The following TRIM40 variants were observed in gnomAD, a reference collection of about 807,000 sequenced individuals.
TRIM40 encodes the protein E3 ubiquitin ligase TRIM40.
TRIM40 carries 27 observed loss-of-function variants against 26.1 expected under a neutral mutation model. The observed-to-expected ratio is 1.04, with a 90% CI of 0.76 to 1.43. The LOEUF (loss-of-function observed/expected upper bound fraction) is 1.43, where lower values mean the gene tolerates loss of function less well. TRIM40 is among the 40% of genes most tolerant of loss of function. TRIM40 has a pLI of 0.00. For synonymous variants in TRIM40, 114 were observed against 120.0 expected (o/e 0.95, Z 0.33); for missense variants, 289 against 307.9 (o/e 0.94, Z 0.46).
At chr6:30,138,007 A>G (rs548629674) in intron 2 of TRIM40, among the ~76,000 whole-genome samples, 2 of 152,232 alleles carry the variant, frequency 1.3e-5, no homozygotes, top group South Asian at 2.1e-4. Context: ...CTCAGAGGTA[A>G]CCATTGTTTG....
At chr6:30,141,635 C>T (rs9261488) in intron 2 of TRIM40, among the ~76,000 whole-genome samples, 28,465 of 152,170 alleles carry the variant, frequency 0.19, 3,096 homozygotes, top group East Asian at 0.24. Context: ...AGGAGGCACA[C>T]TTCTTCCATA....
chr6:30,148,105 T>C lies in TRIM40; in HGVS notation c.*293T>C. On this transcript the variant is annotated 3_prime_UTR_variant, in exon 6 of 6. Transcript: ENST00000396581. ...TGAAATCTCCATTTTGCCTGTAAAC[T>C]GATGGTAGTGCCCATCTCTCACAAT... is the stretch of plus-strand genomic sequence containing the variant. 1.9e-6 allele frequency: 1 copy of C among 518,486 alleles called. No individual in the cohort carries two copies. Among genetic ancestry groups the C allele is most frequent in the Non-Finnish European group, 3.5e-6 (1 of 289,390 alleles). 32.1% of individuals were successfully genotyped at this position (518,486 alleles called of 1,614,324 possible). A position where few individuals can be genotyped will look rare whatever the true frequency, so the allele number is the denominator to read the frequency against.
At position 30,137,477 on chromosome 6, in the gene TRIM40, C is replaced by A; in HGVS notation, c.345+96C>A. On this transcript the variant is annotated intron_variant, in intron 2 of 5. Coordinates refer to ENST00000396581, the MANE Select transcript of TRIM40 (RefSeq NM_001286633.2). ...TGCCTGGCACCTCAGAGTAGCTCAA[C>A]AATGGACATCTCTCTTTGTTTCTTC... The A allele has an allele frequency of 8.9e-6, 9 of 1,008,246 alleles. No individual in the cohort carries two copies. In the South Asian group the frequency reaches 1.0e-4, roughly 12 times the overall value. 62.5% of individuals were successfully genotyped at this position (1,008,246 alleles called of 1,614,324 possible).
In TRIM40 at chr6:30,136,812, A is replaced by T. The variant is rs566695154; in HGVS notation, c.-225A>T. 32 of 561,100 alleles carry T rather than the reference A, an allele frequency of 5.7e-5. No individual in the cohort carries two copies. The highest frequency in any genetic ancestry group is 6.3e-5 in the Non-Finnish European group (20 of 316,354). 34.8% of individuals were successfully genotyped at this position (561,100 alleles called of 1,614,324 possible). On this transcript the variant is annotated 5_prime_UTR_variant, in exon 2 of 6. Transcript: ENST00000396581. ...GTCAAAGCTGATGAGCTATTTCTGA[A>T]ACTCGTGCAGAATTGTGGTTTGTGT...
At position 30,137,052 on chromosome 6, in the gene TRIM40, A is replaced by T. The variant is rs755221409; in HGVS notation, c.16A>T (p.Lys6Ter). 2.5e-6 allele frequency: 4 copies of T among 1,612,818 alleles called. No homozygotes were observed. The highest frequency in any genetic ancestry group is 2.5e-6 in the Non-Finnish European group (3 of 1,179,894). ...GAACGAGGCCATGATCCCTTTGCAG[A>T]AGGACAACCAGGAGGAGGGTGTCTG... MIPLQ[K>*]DNQEEGVCPI... is the part of the protein sequence containing the mutation. The change falls in exon 2 of 6, where the codon AAG becomes TAG. Residue 6 changes from lysine to a stop codon, truncating the protein, a stop_gained. Coordinates refer to ENST00000396581, the MANE Select transcript of TRIM40 (RefSeq NM_001286633.2). LOFTEE classifies it high-confidence loss of function.
intron 2 of TRIM40, among the ~76,000 whole-genome samples, chr6:30,141,563 T>C (rs897586344): frequency 7.9e-5 from 12 of 152,250 alleles, no homozygotes; most frequent in East Asian, 3.9e-4. Flanking sequence ...TTATAATAGA[T>C]TGCATTGAAC....
chr6:30,140,707 T>C (rs1449804051), intron 2 of TRIM40, among the ~76,000 whole-genome samples: 1 of 152,148 alleles, frequency 6.6e-6, no homozygotes, highest in Non-Finnish European at 1.5e-5. Flanking sequence ...GCCCCAGAAC[T>C]TAAAGTATAT....
chr6:30,148,251 C>T lies in TRIM40; in HGVS notation c.*439C>T, dbSNP rs575273137. On this transcript the variant is annotated 3_prime_UTR_variant, in exon 6 of 6. Transcript: ENST00000396581. ...CTTGTTGTCTGTACCACTCACCTGG[C>T]ACTTATTTATTATTGTTGTGGAAGA... 272 of 186,096 alleles carry T rather than the reference C, an allele frequency of 1.5e-3. 1 individual carries two copies. The highest frequency in any genetic ancestry group is 4.7e-3 in the Middle Eastern group (2 of 424). The allele number at this position is 186,096 out of a possible 1,614,324, so 11.5% of individuals were successfully genotyped here.
intron 2 of TRIM40, among the ~76,000 whole-genome samples, chr6:30,142,612 T>C (rs1011982141): frequency 6.6e-6 from 1 of 152,192 alleles, no homozygotes; most frequent in African/African-American, 2.4e-5. Flanking sequence ...TAATATAATC[T>C]CCATGTCTTA....
chr6:30,146,714 A>G (rs1771685342), intron 3 of TRIM40, among the ~76,000 whole-genome samples: 1 of 152,214 alleles, frequency 6.6e-6, no homozygotes, highest in African/African-American at 2.4e-5. Context: ...CCCGGCCGCC[A>G]TAGGCCTCCA....
At chr6:30,138,293 C>T (rs2857436) in intron 2 of TRIM40, among the ~76,000 whole-genome samples, 42,508 of 152,066 alleles carry the variant, frequency 0.28, 6,044 homozygotes, top group Admixed American at 0.3. Context: ...TTACACAGAA[C>T]GTTCTAATGA....
chr6:30,143,236 A>T (rs1400472428), intron 2 of TRIM40, among the ~76,000 whole-genome samples: 1 of 152,134 alleles, frequency 6.6e-6, no homozygotes, highest in Non-Finnish European at 1.5e-5. Context: ...TATGTATTTT[A>T]CAACACTATT....
chr6:30,138,825 C>A (rs1371415894), intron 2 of TRIM40, among the ~76,000 whole-genome samples: 1 of 152,146 alleles, frequency 6.6e-6, no homozygotes, highest in Non-Finnish European at 1.5e-5. Flanking sequence ...AGATACTTGA[C>A]TTTTGGAGAA....
chr6:30,139,545 C>A (rs572644881), intron 2 of TRIM40, among the ~76,000 whole-genome samples: 2 of 151,910 alleles, frequency 1.3e-5, no homozygotes, highest in African/African-American at 4.8e-5. Context: ...GTTTCACCAT[C>A]TTGGCCAGGC....
chr6:30,139,309 T>C (rs1225815639), intron 2 of TRIM40, among the ~76,000 whole-genome samples: 2 of 150,862 alleles, frequency 1.3e-5, no homozygotes, highest in Non-Finnish European at 3.0e-5. Flanking sequence ...GAGACACAAA[T>C]AAGTAATCAA....
At chr6:30,146,158 G>T (rs1413802325) in intron 3 of TRIM40, 69 bp downstream of exon 3, 9 of 1,298,830 alleles carry the variant, frequency 6.9e-6, no homozygotes, top group African/African-American at 1.5e-5. Flanking sequence ...AACTATTCTG[G>T]ACATCTGTCT....
At chr6:30,146,711 G>T (rs924871081) in intron 3 of TRIM40, among the ~76,000 whole-genome samples, 1 of 152,140 alleles carries the variant, frequency 6.6e-6, no homozygotes, top group South Asian at 2.1e-4. Context: ...GTGCCCGGCC[G>T]CCATAGGCCT....
rs1771036907 is a variant in TRIM40 at position 30,136,971 on chromosome 6, G to C, written c.-66G>C. On this transcript the variant is annotated 5_prime_UTR_variant, in exon 2 of 6. Transcript: ENST00000396581. ...TATCTGGGACTGTTGAGGGCAACAG[G>C]CCTTCCGAAGACCAGTGAAGAAGGA... The C allele has an allele frequency of 6.6e-7, 1 of 1,513,960 alleles. No homozygotes were observed. Among genetic ancestry groups the C allele is most frequent in the African/African-American group, 1.4e-5 (1 of 72,776 alleles). 93.8% of individuals were successfully genotyped at this position (1,513,960 alleles called of 1,614,324 possible).
At chr6:30,137,435 A>C in intron 2 of TRIM40, 54 bp downstream of exon 2, 1 of 1,481,104 alleles carries the variant, frequency 6.8e-7, no homozygotes, top group Non-Finnish European at 9.3e-7. Context: ...GAGGTGCTGC[A>C]TCCTACATGT....
Sources: gnomAD v4.1 joint callset for allele counts (sites outside exome capture counted in the v4.1 genomes callset) on GRCh38, gnomAD v4.1.1 for gene constraint, MANE v1.5 for transcripts, NCBI Gene and HGNC (gene_info 2026-07-23, HGNC 2026-07-21) for gene names.